The following CACNB4 variants were observed in gnomAD, a reference collection of about 807,000 sequenced individuals.
The protein encoded by CACNB4 is voltage-dependent L-type calcium channel subunit beta-4.
A neutral mutation model predicts 71.2 loss-of-function variants in CACNB4; 32 were observed. The ratio of observed to expected loss-of-function variants is 0.45; its 90% CI spans 0.34 to 0.60. The LOEUF (loss-of-function observed/expected upper bound fraction) is 0.60, where lower values mean the gene tolerates loss of function less well. CACNB4 is among the 20% of genes least tolerant of loss of function. CACNB4 has a pLI of 0.01. For missense variants in CACNB4, 464 were observed against 647.9 expected (o/e 0.72, Z 3.08); for synonymous variants, 231 against 236.9 (o/e 0.97, Z 0.23).
chr2:151,979,251 G>A (rs1241162688), intron 2 of CACNB4, among the ~76,000 whole-genome samples: 3 of 152,060 alleles, frequency 2.0e-5, no homozygotes, highest in African/African-American at 4.8e-5. Flanking sequence ...CCCTAGAGAC[G>A]TGCAGAGGAA....
chr2:151,970,200 C>CA (rs1283044671), intron 2 of CACNB4: 1 of 152,144 alleles, frequency 6.6e-6, no homozygotes, highest in South Asian at 2.1e-4. Flanking sequence ...AGTTCTAGTC[C>CA]TAGTATGCTC....
At chr2:152,092,082 A>T (rs1478195543) in intron 2 of CACNB4, among the ~76,000 whole-genome samples, 1 of 152,178 alleles carries the variant, frequency 6.6e-6, no homozygotes, top group African/African-American at 2.4e-5. Flanking sequence ...AAAAAACAGT[A>T]GAGTCTGAGC....
chr2:152,069,747 G>T (rs17326118), intron 2 of CACNB4, among the ~76,000 whole-genome samples: 57,900 of 151,324 alleles, frequency 0.38, 13,622 homozygotes, highest in Non-Finnish European at 0.54. Context: ...AGGCACTCCA[G>T]GTCTGCTTAA....
intron 2 of CACNB4, among the ~76,000 whole-genome samples, chr2:151,981,677 T>C (rs533917726): frequency 7.2e-5 from 11 of 152,308 alleles, no homozygotes; most frequent in Admixed American, 6.5e-4. Flanking sequence ...GCAGGAACTA[T>C]GTTTTACTCA....
At chr2:152,064,193 T>C (rs1686171404) in intron 2 of CACNB4, among the ~76,000 whole-genome samples, 1 of 152,194 alleles carries the variant, frequency 6.6e-6, no homozygotes, top group South Asian at 2.1e-4. Flanking sequence ...ATTGTTGAAG[T>C]GCATGAAGGG....
At position 151,834,560 on chromosome 2, in the gene CACNB4, A is replaced by G. The variant is rs2099834479; in HGVS notation, c.*4559T>C. 1 of 152,044 alleles carries G rather than the reference A, an allele frequency of 6.6e-6. No individual in the cohort carries two copies. The allele number at this position is 152,044 out of a possible 1,614,324, so 9.4% of individuals were successfully genotyped here. On this transcript the variant is annotated 3_prime_UTR_variant, in exon 14 of 14. Transcript: ENST00000539935. ...ATTTAAGAAAGTCCATTTTAATAAA[A>G]GAAGAAACTTTTAAAAGTAATTTTT...
chr2:152,039,766 G>C (rs746382844), intron 2 of CACNB4, among the ~76,000 whole-genome samples: 1 of 152,222 alleles, frequency 6.6e-6, no homozygotes, highest in African/African-American at 2.4e-5. Context: ...AAAGTAGAGC[G>C]AAGCTCAGGG....
At chr2:151,977,288 C>A (rs986937336) in intron 2 of CACNB4, among the ~76,000 whole-genome samples, 2 of 152,204 alleles carry the variant, frequency 1.3e-5, no homozygotes, top group Non-Finnish European at 2.9e-5. Context: ...GAAAAAGCAT[C>A]ATCTCTATGA....
At chr2:151,999,275 T>C (rs901096028) in intron 2 of CACNB4, among the ~76,000 whole-genome samples, 9 of 152,106 alleles carry the variant, frequency 5.9e-5, no homozygotes, top group African/African-American at 2.2e-4. Context: ...CTCTATCTTT[T>C]AAAATCCAGT....
At chr2:151,907,578 C>G (rs1222962269) in intron 2 of CACNB4, among the ~76,000 whole-genome samples, 3 of 152,192 alleles carry the variant, frequency 2.0e-5, no homozygotes, top group Non-Finnish European at 4.4e-5. Flanking sequence ...TCAGATTTCA[C>G]TGGTTTTCTA....
intron 12 of CACNB4, among the ~76,000 whole-genome samples, chr2:151,843,774 C>T (rs371494292): frequency 6.6e-5 from 10 of 152,322 alleles, no homozygotes; most frequent in African/African-American, 1.9e-4. Flanking sequence ...TTAATGGCAA[C>T]TGGATGATGT....
chr2:152,091,506 GC>G (rs1183923674), intron 2 of CACNB4, among the ~76,000 whole-genome samples: 2 of 152,028 alleles, frequency 1.3e-5, no homozygotes, highest in African/African-American at 4.8e-5. Context: ...GCGGTGGCAT[GC>G]ACCTGTAGTC....
chr2:152,073,741 C>G (rs1295740136), intron 2 of CACNB4, among the ~76,000 whole-genome samples: 2 of 152,204 alleles, frequency 1.3e-5, no homozygotes, highest in Non-Finnish European at 2.9e-5. Flanking sequence ...AGTCCATTCT[C>G]CACTGCCAGC....
intron 2 of CACNB4, among the ~76,000 whole-genome samples, chr2:151,988,732 T>C (rs148440662): frequency 1.1e-3 from 174 of 152,224 alleles, no homozygotes; most frequent in Non-Finnish European, 1.8e-3. Flanking sequence ...TCTTCTTCTA[T>C]AAGGACACTA....
At chr2:152,027,324 T>C (rs1684033950) in intron 2 of CACNB4, among the ~76,000 whole-genome samples, 1 of 152,266 alleles carries the variant, frequency 6.6e-6, no homozygotes, top group Non-Finnish European at 1.5e-5. Flanking sequence ...AGCCTCTGAC[T>C]GCCTGGGGCA....
intron 2 of CACNB4, among the ~76,000 whole-genome samples, chr2:151,987,735 T>A (rs1182333259): frequency 6.6e-6 from 1 of 152,092 alleles, no homozygotes; most frequent in Non-Finnish European, 1.5e-5. Flanking sequence ...AAATTTGGAG[T>A]CATTACACAT....
At chr2:151,900,179 T>C (rs1230434817) in intron 2 of CACNB4, among the ~76,000 whole-genome samples, 1 of 152,172 alleles carries the variant, frequency 6.6e-6, no homozygotes, top group African/African-American at 2.4e-5. Context: ...CAGTGGATGC[T>C]AAAGAAGTAA....
chr2:152,036,637 T>G (rs1377690107), intron 2 of CACNB4, among the ~76,000 whole-genome samples: 1 of 152,190 alleles, frequency 6.6e-6, no homozygotes, highest in Non-Finnish European at 1.5e-5. Context: ...CACATTAATT[T>G]TTTTTAAAGT....
At chr2:151,974,750 G>A (rs1269093710) in intron 2 of CACNB4, among the ~76,000 whole-genome samples, 3 of 149,160 alleles carry the variant, frequency 2.0e-5, no homozygotes, top group African/African-American at 7.5e-5. Context: ...GGTGACCTAG[G>A]ACAGGTCCCA....
Sources: allele counts gnomAD v4.1 joint callset (sites outside exome capture counted in the v4.1 genomes callset), GRCh38; gene constraint gnomAD v4.1.1; transcripts MANE v1.5; gene names NCBI Gene and HGNC (gene_info 2026-07-23, HGNC 2026-07-21).